The following PIP5K1C variants were observed in gnomAD, a reference collection of about 807,000 sequenced individuals.
The protein encoded by PIP5K1C is phosphatidylinositol 4-phosphate 5-kinase type-1 gamma.
In PIP5K1C, 45 loss-of-function variants were observed where a neutral mutation model predicts 80.1. That is an observed-to-expected ratio of 0.56 (90% CI 0.44 to 0.72). The LOEUF (loss-of-function observed/expected upper bound fraction) is 0.72, where lower values mean the gene tolerates loss of function less well. Ranked by LOEUF, PIP5K1C falls within the 30% of genes least tolerant of loss-of-function variation. The pLI is 0.00. For missense variants in PIP5K1C, 753 were observed against 954.6 expected (o/e 0.79, Z 2.78); for synonymous variants, 498 against 420.1 (o/e 1.19, Z -2.27).
chr19:3,676,291 C>T (rs1250818194), intron 1 of PIP5K1C, among the ~76,000 whole-genome samples: 1 of 152,186 alleles, frequency 6.6e-6, no homozygotes, highest in East Asian at 1.9e-4. Context: ...GCCCTGCAGC[C>T]CCAAGCCCAG....
chr19:3,678,683 G>A (rs1600066749), intron 1 of PIP5K1C, among the ~76,000 whole-genome samples: 2 of 135,414 alleles, frequency 1.5e-5, no homozygotes, highest in African/African-American at 2.8e-5. Context: ...TGGCGAGATG[G>A]AGGGATGGCG....
intron 16 of PIP5K1C, among the ~76,000 whole-genome samples, chr19:3,636,211 T>G (rs2033681493): frequency 6.6e-6 from 1 of 150,706 alleles, no homozygotes; most frequent in African/African-American, 2.4e-5. Context: ...CCTGCAGGAG[T>G]TGGGGGGACA....
intron 1 of PIP5K1C, among the ~76,000 whole-genome samples, chr19:3,697,268 GGAGGACCAAGCCGGATA>G (rs567197446): frequency 6.0e-5 from 9 of 150,886 alleles, no homozygotes; most frequent in Admixed American, 5.9e-4. Context: ...GCCAGATGGA[GGAGGACCAAGCCGGATA>G]GAGGACCGAG....
chr19:3,658,413 C>G (rs1349821654), intron 5 of PIP5K1C, among the ~76,000 whole-genome samples: 1 of 152,358 alleles, frequency 6.6e-6, no homozygotes, highest in South Asian at 2.1e-4. Context: ...CATCTGCCTG[C>G]CTTTTTCTGC....
intron 6 of PIP5K1C, among the ~76,000 whole-genome samples, chr19:3,654,637 GAAACCCC>G (rs2145453023): frequency 6.6e-6 from 1 of 152,090 alleles, no homozygotes; most frequent in East Asian, 1.9e-4. Flanking sequence ...CCAACATGGT[GAAACCCC>G]GTCTCTATTA....
intron 1 of PIP5K1C, among the ~76,000 whole-genome samples, chr19:3,680,940 G>GGCCA (rs2035571327): frequency 6.6e-6 from 1 of 152,190 alleles, no homozygotes; most frequent in Non-Finnish European, 1.5e-5. Flanking sequence ...AGTAGGCGGA[G>GGCCA]GCCAGCGACA....
In PIP5K1C at chr19:3,658,629, G is replaced by A. The variant is rs1052299886; in HGVS notation, c.469-2072C>T. 2.6e-5 allele frequency among the ~76,000 whole-genome samples: 4 copies of A among 152,346 alleles called. No individual in the cohort carries two copies. In the South Asian group the frequency reaches 6.2e-4, roughly 24 times the overall value. On this transcript the variant is annotated intron_variant, in intron 5 of 17. Coordinates refer to ENST00000335312, the MANE Select transcript of PIP5K1C (RefSeq NM_012398.3). ...TGGGCCGCTGTCCTCAGGTCACCCGGAGCAGGGGACACCCCAAGCAGCCGG... is the reference window on the plus strand; with the variant it reads ...TGGGCCGCTGTCCTCAGGTCACCCGAAGCAGGGGACACCCCAAGCAGCCGG...
intron 1 of PIP5K1C, chr19:3,669,690 A>G (rs2035137722): frequency 6.6e-6 from 1 of 151,988 alleles, no homozygotes; most frequent in Admixed American, 6.6e-5. Context: ...TGGGTCGGCG[A>G]TGCCCCACCC....
At chr19:3,687,882 G>C (rs1010690766) in intron 1 of PIP5K1C, among the ~76,000 whole-genome samples, 4 of 152,186 alleles carry the variant, frequency 2.6e-5, no homozygotes, top group Non-Finnish European at 5.9e-5. Flanking sequence ...CTGCGCAGGC[G>C]GGCGGAGCAT....
In PIP5K1C at chr19:3,688,096, G is replaced by A. The variant is rs1346440652; in HGVS notation, c.94+12201C>T. Among the ~76,000 whole-genome samples the A allele has an allele frequency of 1.3e-5, 2 of 152,176 alleles. No individual in the cohort carries two copies. The highest frequency in any genetic ancestry group is 4.8e-5 in the African/African-American group (2 of 41,438). Reference sequence around the variant, plus strand: ...CCAGCCCCTGGGGGAAGCCCGGCCCGTGCGGGCTGCGGGAGATCCTGATGG... The same window carrying A: ...CCAGCCCCTGGGGGAAGCCCGGCCCATGCGGGCTGCGGGAGATCCTGATGG... On this transcript the variant is annotated intron_variant, in intron 1 of 17. Coordinates refer to ENST00000335312, the MANE Select transcript of PIP5K1C (RefSeq NM_012398.3). The surrounding 1 kb of genome is among the most constrained non-coding windows in gnomAD (Gnocchi z 5.3).
intron 16 of PIP5K1C, among the ~76,000 whole-genome samples, chr19:3,634,736 C>T (rs2033603301): frequency 1.3e-5 from 2 of 152,234 alleles, no homozygotes; most frequent in South Asian, 4.1e-4. Context: ...CTGCCTCTCC[C>T]TGCCTCGGGC....
chr19:3,656,686 G>A, intron 5 of PIP5K1C, 129 bp from the exon 6 acceptor site: 1 of 1,066,230 alleles, frequency 9.4e-7, no homozygotes, highest in South Asian at 1.3e-5. Context: ...CGGAAAGAGA[G>A]GCTCAGAGAG....
chr19:3,666,033 C>T (rs1226288377), intron 2 of PIP5K1C, among the ~76,000 whole-genome samples: 5 of 152,168 alleles, frequency 3.3e-5, no homozygotes, highest in Admixed American at 3.3e-4. Context: ...CGCCAGGGGG[C>T]AGGCTCTCCC....
intron 6 of PIP5K1C, 69 bp from the exon 7 acceptor site, chr19:3,653,658 G>A: frequency 1.4e-6 from 2 of 1,441,020 alleles, no homozygotes; most frequent in Non-Finnish European, 1.9e-6. Context: ...GGCAAAGCAG[G>A]CCTCTGCCTC....
chr19:3,696,518 G>T lies in PIP5K1C; in HGVS notation c.94+3779C>A, dbSNP rs372864617. On this transcript the variant is annotated intron_variant, in intron 1 of 17. Coordinates refer to ENST00000335312, the MANE Select transcript of PIP5K1C (RefSeq NM_012398.3). This position sits in a 1 kb window ranked among gnomAD's most constrained non-coding sequence, Gnocchi z 4.1. ...ACCGCTGTGTGGTGACAGCAGGGCAGGGAGGCCTCACGGAGAGGAGATGCT... is the reference window on the plus strand; with the variant it reads ...ACCGCTGTGTGGTGACAGCAGGGCATGGAGGCCTCACGGAGAGGAGATGCT... 1.6e-4 allele frequency among the ~76,000 whole-genome samples: 24 copies of T among 152,046 alleles called. No homozygotes were observed. In the South Asian group the frequency reaches 5.0e-3, roughly 32 times the overall value.
intron 15 of PIP5K1C, among the ~76,000 whole-genome samples, chr19:3,641,180 T>G (rs1401376470): frequency 6.6e-6 from 1 of 151,252 alleles, no homozygotes; most frequent in Non-Finnish European, 1.5e-5. Flanking sequence ...GAGCCACTGC[T>G]CTCCAGCCTG....
intron 1 of PIP5K1C, among the ~76,000 whole-genome samples, chr19:3,676,763 CA>C (rs954981758): frequency 1.3e-5 from 2 of 152,182 alleles, no homozygotes; most frequent in African/African-American, 4.8e-5. Flanking sequence ...CACGTCCCCC[CA>C]AAATACTACC....
intron 15 of PIP5K1C, 122 bp downstream of exon 15, chr19:3,641,583 C>T: frequency 1.3e-6 from 1 of 746,050 alleles, no homozygotes; most frequent in Non-Finnish European, 2.4e-6. Context: ...TGGGAAAATC[C>T]ACCATCTGTG....
chr19:3,682,019 G>A (rs555721696), intron 1 of PIP5K1C, among the ~76,000 whole-genome samples: 59 of 152,134 alleles, frequency 3.9e-4, no homozygotes, highest in African/African-American at 5.8e-4. Flanking sequence ...GTCTGACCCC[G>A]TCACCACCCC....
Sources: gnomAD v4.1 joint callset for allele counts (sites outside exome capture counted in the v4.1 genomes callset) on GRCh38, gnomAD v4.1.1 for gene constraint, Gnocchi (gnomAD v3.1) non-coding constraint, MANE v1.5 for transcripts, NCBI Gene and HGNC (gene_info 2026-07-23, HGNC 2026-07-21) for gene names.